The following CUX2 variants were observed in gnomAD, a reference collection of about 807,000 sequenced individuals.
CUX2 encodes the protein homeobox protein cut-like 2.
In CUX2, 40 loss-of-function variants were observed where a neutral mutation model predicts 144.8. The ratio of observed to expected loss-of-function variants is 0.28; its 90% confidence interval spans 0.21 to 0.36. CUX2 has a LOEUF of 0.36. Ranked by LOEUF, CUX2 falls within the 10% of genes least tolerant of loss-of-function variation. CUX2 has a pLI of 1.00. For missense variants in CUX2, 1,615 were observed against 1,994.0 expected (o/e 0.81, Z 3.62); for synonymous variants, 827 against 875.6 (o/e 0.94, Z 0.98).
rs114743025 is a variant in CUX2, at chr12:111,192,937, A to G, written c.64-21263A>G. Among the ~76,000 whole-genome samples the G allele has an allele frequency of 8.5e-3, 1,290 of 152,346 alleles. 13 individuals carry two copies. Among genetic ancestry groups the G allele is most frequent in the African/African-American group, 0.03 (1,240 of 41,582 alleles). Reference sequence around the variant, plus strand: ...ACATGTCTCAGTTTTAATTTTGAATATGATGACTATTGATTGCTGTGACCT... The same window carrying G: ...ACATGTCTCAGTTTTAATTTTGAATGTGATGACTATTGATTGCTGTGACCT... On this transcript the variant is annotated intron_variant, in intron 1 of 21. Coordinates refer to ENST00000261726, the MANE Select transcript of CUX2 (RefSeq NM_015267.4).
At chr12:111,232,210 A>T (rs1014779603) in intron 3 of CUX2, among the ~76,000 whole-genome samples, 12 of 134,720 alleles carry the variant, frequency 8.9e-5, no homozygotes, top group African/African-American at 2.9e-4. Context: ...ATCTGAAAAA[A>T]AAATATATAT....
chr12:111,237,169 A>G (rs1882797372), intron 3 of CUX2, among the ~76,000 whole-genome samples: 1 of 152,118 alleles, frequency 6.6e-6, no homozygotes, highest in African/African-American at 2.4e-5. Flanking sequence ...AATAAAATAA[A>G]AATAAAAGAG....
At chr12:111,050,443 C>T (rs1415997326) in intron 1 of CUX2, among the ~76,000 whole-genome samples, 3 of 152,186 alleles carry the variant, frequency 2.0e-5, no homozygotes, top group Non-Finnish European at 4.4e-5. Context: ...TTTTAAGCCA[C>T]TTTATTTGAC....
At chr12:111,063,362 A>T (rs1352083692) in intron 1 of CUX2, among the ~76,000 whole-genome samples, 3 of 152,140 alleles carry the variant, frequency 2.0e-5, no homozygotes, top group Non-Finnish European at 2.9e-5. Flanking sequence ...CTGCAGTCCA[A>T]CATTGCTCCA....
rs188212530 is a variant in CUX2 at position 111,068,962 on chromosome 12, C to T, written c.63+34722C>T. 1.3e-5 allele frequency among the ~76,000 whole-genome samples: 2 copies of T among 152,174 alleles called. No homozygotes were observed. Among genetic ancestry groups the T allele is most frequent in the East Asian group, 1.9e-4 (1 of 5,166 alleles). ...CTCTACTAATAATACAAAAAATAGC[C>T]GGACTGGGTGGCCTGTACCTGTAAT... On this transcript the variant is annotated intron_variant, in intron 1 of 21. Coordinates refer to ENST00000261726, the MANE Select transcript of CUX2 (RefSeq NM_015267.4). This position sits in a 1 kb window ranked among gnomAD's most constrained non-coding sequence, Gnocchi z 4.9.
intron 1 of CUX2, among the ~76,000 whole-genome samples, chr12:111,207,412 G>C (rs1216928647): frequency 6.6e-6 from 1 of 152,168 alleles, no homozygotes; most frequent in Non-Finnish European, 1.5e-5. Flanking sequence ...CTTATGAAAT[G>C]CCTAGCACAT....
At chr12:111,054,170 CAA>C (rs937169042) in intron 1 of CUX2, among the ~76,000 whole-genome samples, 1 of 152,048 alleles carries the variant, frequency 6.6e-6, no homozygotes, top group Non-Finnish European at 1.5e-5. Flanking sequence ...AAAACAAAAA[CAA>C]AAACAAAAAA....
rs1296050922 is a variant in CUX2 at position 111,289,138 on chromosome 12, GA to G, written c.302-2274del. ...ATTCTGTCTCAAAAAAAGAAAAAAG[GA>G]AAAAAGAAAATTCTGGGGGAGAGAC... On this transcript the variant is annotated intron_variant, in intron 4 of 21. Coordinates refer to ENST00000261726, the MANE Select transcript of CUX2 (RefSeq NM_015267.4). The surrounding 1 kb of genome is among the most constrained non-coding windows in gnomAD (Gnocchi z 4.1). 2.0e-5 allele frequency among the ~76,000 whole-genome samples: 3 copies of G among 151,874 alleles called. No homozygotes were observed. Among genetic ancestry groups the G allele is most frequent in the Admixed American group, 1.3e-4 (2 of 15,188 alleles).
rs866347050 is a variant in CUX2 at position 111,057,558 on chromosome 12, C to T, written c.63+23318C>T. ...ACGTGGGGACCCAGACCTCCTTACACGGGCCCCATCTTTCTCCCTGCCCTA... is the reference window on the plus strand; with the variant it reads ...ACGTGGGGACCCAGACCTCCTTACATGGGCCCCATCTTTCTCCCTGCCCTA... On this transcript the variant is annotated intron_variant, in intron 1 of 21. Transcript: ENST00000261726. This position sits in a 1 kb window ranked among gnomAD's most constrained non-coding sequence, Gnocchi z 5.1. Among the ~76,000 whole-genome samples the T allele has an allele frequency of 1.3e-4, 20 of 152,084 alleles. No homozygotes were observed. The highest frequency in any genetic ancestry group is 4.1e-4 in the African/African-American group (17 of 41,382).
intron 1 of CUX2, among the ~76,000 whole-genome samples, chr12:111,060,882 C>T (rs1018397402): frequency 6.6e-6 from 1 of 152,190 alleles, no homozygotes; most frequent in Non-Finnish European, 1.5e-5. Context: ...CTTCCTTCTA[C>T]CCTCTTGTCA....
intron 1 of CUX2, among the ~76,000 whole-genome samples, chr12:111,180,190 G>C (rs1168294403): frequency 6.7e-6 from 1 of 148,736 alleles, no homozygotes; most frequent in Non-Finnish European, 1.5e-5. Context: ...AGGAGTCTTC[G>C]GGAACCCTCC....
chr12:111,166,750 G>A (rs1055119551), intron 1 of CUX2, among the ~76,000 whole-genome samples: 13 of 152,220 alleles, frequency 8.5e-5, no homozygotes, highest in African/African-American at 1.9e-4. Context: ...TCCTTGCTGG[G>A]AGGCTTGGGC....
chr12:111,296,018 T>C (rs1885966588), intron 7 of CUX2, among the ~76,000 whole-genome samples: 1 of 152,146 alleles, frequency 6.6e-6, no homozygotes. Context: ...AACACATGAA[T>C]CTGTTCATTG....
At chr12:111,076,110 C>T (rs1219426573) in intron 1 of CUX2, among the ~76,000 whole-genome samples, 2 of 152,186 alleles carry the variant, frequency 1.3e-5, no homozygotes, top group Admixed American at 6.5e-5. Context: ...AGCTTAACCA[C>T]ACATCATGTG....
At chr12:111,328,411 C>T (rs1232377418) in intron 18 of CUX2, among the ~76,000 whole-genome samples, 4 of 152,156 alleles carry the variant, frequency 2.6e-5, no homozygotes, top group South Asian at 2.1e-4. Flanking sequence ...GGCGCAGCCC[C>T]GGGTATAATC....
chr12:111,210,963 T>C (rs1003449714), intron 1 of CUX2, among the ~76,000 whole-genome samples: 1 of 152,106 alleles, frequency 6.6e-6, no homozygotes, highest in Non-Finnish European at 1.5e-5. Flanking sequence ...AAGGAGATAA[T>C]CCACACCTCA....
At chr12:111,042,078 A>G (rs1346820936) in intron 1 of CUX2, among the ~76,000 whole-genome samples, 2 of 152,170 alleles carry the variant, frequency 1.3e-5, no homozygotes, top group Non-Finnish European at 2.9e-5. Flanking sequence ...AAAAACAAAG[A>G]AAGAAAGAAA....
intron 3 of CUX2, among the ~76,000 whole-genome samples, chr12:111,220,864 A>G (rs1417945475): frequency 7.2e-6 from 1 of 139,788 alleles, no homozygotes; most frequent in Non-Finnish European, 1.5e-5. Context: ...TGAGCCCAGG[A>G]GTTCAAGGCT....
At chr12:111,338,637 T>C (rs954783350) in intron 20 of CUX2, among the ~76,000 whole-genome samples, 163 bp downstream of exon 20, 2 of 152,252 alleles carry the variant, frequency 1.3e-5, no homozygotes. Flanking sequence ...AACAATGTGA[T>C]TGAAAGCAGT....
Sources: allele counts gnomAD v4.1 joint callset (sites outside exome capture counted in the v4.1 genomes callset), GRCh38; gene constraint gnomAD v4.1.1; non-coding constraint Gnocchi (gnomAD v3.1); transcripts MANE v1.5; gene names NCBI Gene and HGNC (gene_info 2026-07-23, HGNC 2026-07-21).